The following FANCC variants were observed in gnomAD, a reference collection of about 807,000 sequenced individuals.
FANCC encodes FA complementation group C.
A neutral mutation model predicts 71.3 loss-of-function variants in FANCC; 55 were observed. The ratio of observed to expected loss-of-function variants is 0.77; its 90% CI spans 0.62 to 0.97. The LOEUF is 0.97. FANCC is among the 50% of genes least tolerant of loss of function. The pLI is 0.00. For missense variants in FANCC, 678 were observed against 670.9 expected (o/e 1.01, Z -0.12); for synonymous variants, 275 against 244.9 (o/e 1.12, Z -1.15).
chr9:95,230,080 CTTAA>C (rs998314369), intron 4 of FANCC, among the ~76,000 whole-genome samples: 10 of 144,938 alleles, frequency 6.9e-5, no homozygotes, highest in African/African-American at 2.3e-4. Flanking sequence ...TGGTTGCTTC[CTTAA>C]TTATTTCAGT....
At chr9:95,221,208 AAAAAAC>A (rs1261355469) in intron 4 of FANCC, among the ~76,000 whole-genome samples, 1 of 151,966 alleles carries the variant, frequency 6.6e-6, no homozygotes, top group African/African-American at 2.4e-5. Context: ...GAGCATCTGA[AAAAAAC>A]AAAAACAAAA....
At chr9:95,285,467 T>C (rs1162830272) in intron 1 of FANCC, among the ~76,000 whole-genome samples, 1 of 152,178 alleles carries the variant, frequency 6.6e-6, no homozygotes, top group Non-Finnish European at 1.5e-5. Context: ...AAACACGGAT[T>C]TCTTCTTTCA....
chr9:95,256,308 C>A (rs1831653816), intron 1 of FANCC, among the ~76,000 whole-genome samples: 1 of 152,176 alleles, frequency 6.6e-6, no homozygotes, highest in Admixed American at 6.5e-5. Flanking sequence ...TCGGGTTACC[C>A]ACAAAGGGAA....
intron 6 of FANCC, among the ~76,000 whole-genome samples, chr9:95,167,988 C>T (rs543533164): frequency 4.6e-5 from 7 of 152,286 alleles, no homozygotes; most frequent in African/African-American, 9.6e-5. Context: ...CCAGTGGACC[C>T]GGCTAGACAT....
chr9:95,195,191 C>A (rs1386349981), intron 4 of FANCC, among the ~76,000 whole-genome samples: 1 of 107,846 alleles, frequency 9.3e-6, no homozygotes, highest in African/African-American at 3.9e-5. Flanking sequence ...AGTGAGACTC[C>A]GTCTCAAAAA....
chr9:95,313,141 G>A (rs1835511056), intron 1 of FANCC, among the ~76,000 whole-genome samples: 1 of 152,194 alleles, frequency 6.6e-6, no homozygotes, highest in South Asian at 2.1e-4. Flanking sequence ...ACCTAGCGCT[G>A]GAGACGTGCA....
intron 7 of FANCC, 69 bp from the exon 8 acceptor site, chr9:95,135,571 T>TCA: frequency 7.2e-7 from 1 of 1,388,384 alleles, no homozygotes; most frequent in Non-Finnish European, 1.0e-6. Flanking sequence ...TAAAAAAAGT[T>TCA]CAAAATGCAA....
At chr9:95,299,055 T>C (rs963515363) in intron 1 of FANCC, among the ~76,000 whole-genome samples, 20 of 152,254 alleles carry the variant, frequency 1.3e-4, no homozygotes, top group Admixed American at 1.3e-3. Context: ...TGTTTTTCTA[T>C]TTAAGTGTTG....
chr9:95,228,987 G>A (rs899877932), intron 4 of FANCC, among the ~76,000 whole-genome samples: 1 of 151,770 alleles, frequency 6.6e-6, no homozygotes, highest in East Asian at 1.9e-4. Flanking sequence ...CGAGGCTCCT[G>A]AACAGAGACA....
At chr9:95,179,151 C>G (rs2135651554) in intron 4 of FANCC, among the ~76,000 whole-genome samples, 1 of 152,304 alleles carries the variant, frequency 6.6e-6, no homozygotes, top group East Asian at 1.9e-4. Context: ...TTGATGTGTT[C>G]TTTCATCTAA....
intron 6 of FANCC, among the ~76,000 whole-genome samples, chr9:95,163,671 G>C (rs1176542419): frequency 6.6e-6 from 1 of 152,164 alleles, no homozygotes; most frequent in Non-Finnish European, 1.5e-5. Context: ...CCAACACGGA[G>C]AAAGCCCATC....
intron 2 of FANCC, 21 bp downstream of exon 2, chr9:95,249,106 T>A (rs1831169180): frequency 6.2e-7 from 1 of 1,612,590 alleles, no homozygotes; most frequent in Non-Finnish European, 8.5e-7. Context: ...AATAATTTCA[T>A]TATTCTGGTC....
intron 4 of FANCC, among the ~76,000 whole-genome samples, chr9:95,231,026 A>G (rs1829979092): frequency 6.6e-6 from 1 of 152,138 alleles, no homozygotes; most frequent in Non-Finnish European, 1.5e-5. Flanking sequence ...AAAGTTCTCC[A>G]TGTCCCCACT....
intron 4 of FANCC, among the ~76,000 whole-genome samples, chr9:95,174,944 C>CA (rs1375597171): frequency 6.6e-6 from 1 of 152,126 alleles, no homozygotes; most frequent in Non-Finnish European, 1.5e-5. Flanking sequence ...CAAAAAGATA[C>CA]AAAATATTAT....
chr9:95,138,141 C>T (rs1828002503), intron 7 of FANCC, among the ~76,000 whole-genome samples: 1 of 152,230 alleles, frequency 6.6e-6, no homozygotes, highest in South Asian at 2.1e-4. Context: ...ATTATCCCCT[C>T]CCCGCACAGA....
chr9:95,124,168 G>A (rs1046642780), intron 10 of FANCC, among the ~76,000 whole-genome samples: 3 of 148,110 alleles, frequency 2.0e-5, no homozygotes, highest in Middle Eastern at 3.2e-3. Flanking sequence ...TCTATTTGAC[G>A]TTGGCGGGGG....
chr9:95,206,994 C>T (rs1404395756), intron 4 of FANCC, among the ~76,000 whole-genome samples: 1 of 152,104 alleles, frequency 6.6e-6, no homozygotes, highest in East Asian at 1.9e-4. Flanking sequence ...TACAACCAAA[C>T]CCTGCTCCAC....
intron 6 of FANCC, among the ~76,000 whole-genome samples, chr9:95,158,954 A>G (rs1026845538): frequency 6.6e-6 from 1 of 152,236 alleles, no homozygotes; most frequent in Non-Finnish European, 1.5e-5. Context: ...TGCATCAAGC[A>G]ATGAACTAAG....
At chr9:95,241,382 A>G (rs1217025266) in intron 3 of FANCC, among the ~76,000 whole-genome samples, 1 of 152,114 alleles carries the variant, frequency 6.6e-6, no homozygotes, top group Non-Finnish European at 1.5e-5. Context: ...TTTACCAAAC[A>G]TGCAATGAAA....
Sources: allele counts gnomAD v4.1 joint callset (sites outside exome capture counted in the v4.1 genomes callset), GRCh38; gene constraint gnomAD v4.1.1; transcripts MANE v1.5; gene names NCBI Gene and HGNC (gene_info 2026-07-23, HGNC 2026-07-21).